STXBP5L: variants seen among roughly 807,000 people sequenced by gnomAD.
STXBP5L encodes the protein syntaxin binding protein 5L.
A neutral mutation model predicts 144.5 loss-of-function variants in STXBP5L; 65 were observed. That is an observed-to-expected ratio of 0.45 (90% CI 0.37 to 0.55). The LOEUF (loss-of-function observed/expected upper bound fraction) is 0.55, where lower values mean the gene tolerates loss of function less well. Ranked by LOEUF, STXBP5L falls within the 20% of genes least tolerant of loss-of-function variation. The pLI is 0.00. For synonymous variants in STXBP5L, 505 were observed against 469.6 expected, an observed-to-expected ratio of 1.08 and a Z score of -0.97; for missense variants, 1,298 against 1,405.5, an observed-to-expected ratio of 0.92 and a Z score of 1.22.
At chr3:121,387,879 A>T (rs919977531) in intron 22 of STXBP5L, among the ~76,000 whole-genome samples, 7 of 152,144 alleles carry the variant, frequency 4.6e-5, no homozygotes, top group African/African-American at 1.7e-4. Context: ...TGTCTTGGCG[A>T]TGCAGGCTCT....
At chr3:121,054,719 C>G (rs967169795) in intron 5 of STXBP5L, among the ~76,000 whole-genome samples, 1 of 151,760 alleles carries the variant, frequency 6.6e-6, no homozygotes, top group Non-Finnish European at 1.5e-5. Flanking sequence ...TGCACATGTA[C>G]CGTAAAACTT....
intron 20 of STXBP5L, among the ~76,000 whole-genome samples, chr3:121,348,469 C>T (rs566992620): frequency 5.3e-5 from 8 of 152,080 alleles, no homozygotes; most frequent in Non-Finnish European, 8.8e-5. Flanking sequence ...ATGCTGGCCT[C>T]ATAAAATGAG....
intron 5 of STXBP5L, among the ~76,000 whole-genome samples, chr3:121,103,575 T>G (rs1252637137): frequency 6.6e-6 from 1 of 152,090 alleles, no homozygotes; most frequent in Non-Finnish European, 1.5e-5. Context: ...GGTACTGTGC[T>G]TACCTCAGCA....
intron 22 of STXBP5L, among the ~76,000 whole-genome samples, chr3:121,382,825 T>C (rs905782737): frequency 6.6e-6 from 1 of 152,158 alleles, no homozygotes; most frequent in Non-Finnish European, 1.5e-5. Flanking sequence ...GACCAAAAAA[T>C]GATGACAAAA....
intron 3 of STXBP5L, among the ~76,000 whole-genome samples, chr3:121,016,475 G>T (rs1945154846): frequency 6.6e-6 from 1 of 152,164 alleles, no homozygotes; most frequent in Non-Finnish European, 1.5e-5. Context: ...TGACTTTGAT[G>T]TACGTATCTA....
chr3:121,026,324 G>C lies in STXBP5L; in HGVS notation c.288-15376G>C, dbSNP rs935819245. Among the ~76,000 whole-genome samples, 6 of 151,984 alleles carry C rather than the reference G, an allele frequency of 3.9e-5. No homozygotes were observed. In the East Asian group the frequency reaches 7.7e-4, roughly 20 times the overall value. On this transcript the variant is annotated intron_variant, in intron 3 of 26. Coordinates refer to ENST00000471454, the MANE Select transcript of STXBP5L (RefSeq NM_001308330.2). ...GGTTAAATCTTTTATATTCATGCCT[G>C]AGCTTTAAAGTCACCTACTAACAGA...
intron 20 of STXBP5L, among the ~76,000 whole-genome samples, chr3:121,352,574 G>T (rs1367672253): frequency 1.3e-5 from 2 of 152,122 alleles, no homozygotes; most frequent in Non-Finnish European, 2.9e-5. Context: ...CAGATAAGGA[G>T]ATTTTGGGCT....
rs182109010 is a variant in STXBP5L, at chr3:121,264,852, A to T, written c.1958+5684A>T. On this transcript the variant is annotated intron_variant, in intron 18 of 26. Transcript: ENST00000471454. ...GCAATCTTAGTCTCTGATAAAACAG[A>T]CCTTAAACAACCAAAGATCAAAAAA... 4.2e-3 allele frequency among the ~76,000 whole-genome samples: 637 copies of T among 151,816 alleles called. 5 individuals are homozygous for T. The highest frequency in any genetic ancestry group is 0.015 in the African/African-American group (607 of 41,452).
rs145610555 is a variant in STXBP5L, at chr3:121,246,223, G to T, written c.1401-4500G>T. ...CCTATTGTGAACTGCACATGCAAGA[G>T]ATCTAGGTTGCACGCTTCTTATGAG... On this transcript the variant is annotated intron_variant, in intron 14 of 26. Coordinates refer to ENST00000471454, the MANE Select transcript of STXBP5L (RefSeq NM_001308330.2). Among the ~76,000 whole-genome samples, 4 of 152,318 alleles carry T rather than the reference G, an allele frequency of 2.6e-5. No individual in the cohort carries two copies. In the East Asian group the frequency reaches 7.7e-4, roughly 29 times the overall value.
chr3:121,304,402 A>C (rs1348485261), intron 19 of STXBP5L, among the ~76,000 whole-genome samples: 2 of 152,144 alleles, frequency 1.3e-5, no homozygotes, highest in East Asian at 3.9e-4. Flanking sequence ...ACACACCTAC[A>C]CAATGCAATT....
At chr3:121,110,466 T>G (rs757789669) in intron 5 of STXBP5L, among the ~76,000 whole-genome samples, 12 of 152,194 alleles carry the variant, frequency 7.9e-5, no homozygotes, top group Non-Finnish European at 1.8e-4. Flanking sequence ...AAAAGGATTT[T>G]ATTTCTCCTT....
At chr3:121,179,053 C>T (rs905660607) in intron 9 of STXBP5L, among the ~76,000 whole-genome samples, 4 of 152,028 alleles carry the variant, frequency 2.6e-5, no homozygotes, top group Non-Finnish European at 5.9e-5. Context: ...GAAAGCTGTG[C>T]TTGCTTTCTC....
chr3:121,102,598 A>G (rs916257668), intron 5 of STXBP5L, among the ~76,000 whole-genome samples: 3 of 152,114 alleles, frequency 2.0e-5, no homozygotes, highest in Non-Finnish European at 4.4e-5. Context: ...AACTATAAGA[A>G]TCCTAGAAAT....
chr3:121,293,516 C>G lies in STXBP5L; in HGVS notation c.2110+13560C>G, dbSNP rs138002569. 1.6e-3 allele frequency among the ~76,000 whole-genome samples: 242 copies of G among 152,158 alleles called. 1 individual carries two copies. Among genetic ancestry groups the G allele is most frequent in the African/African-American group, 5.6e-3 (234 of 41,512 alleles). On this transcript the variant is annotated intron_variant, in intron 19 of 26. Coordinates refer to ENST00000471454, the MANE Select transcript of STXBP5L (RefSeq NM_001308330.2). ...GGCTATTTTTTAAAAGAAGAACTAA[C>G]GCAAAGAAGAGCAGGGAACAGCACA...
chr3:121,179,060 TC>T (rs2047041885), intron 9 of STXBP5L, among the ~76,000 whole-genome samples: 1 of 152,030 alleles, frequency 6.6e-6, no homozygotes, highest in African/African-American at 2.4e-5. Context: ...GTGCTTGCTT[TC>T]TCAGTGGGAA....
intron 5 of STXBP5L, among the ~76,000 whole-genome samples, chr3:121,102,769 A>G (rs947738060): frequency 6.6e-6 from 1 of 152,144 alleles, no homozygotes; most frequent in Non-Finnish European, 1.5e-5. Context: ...CAGATATACT[A>G]CAGAATGGTA....
chr3:121,152,393 T>G, intron 7 of STXBP5L, 84 bp from the exon 8 acceptor site: 1 of 992,242 alleles, frequency 1.0e-6, no homozygotes, highest in South Asian at 1.5e-5. Flanking sequence ...TGGTATGATT[T>G]TACTTTATTA....
At chr3:121,263,037 G>T (rs1387993584) in intron 18 of STXBP5L, among the ~76,000 whole-genome samples, 2 of 152,202 alleles carry the variant, frequency 1.3e-5, no homozygotes, top group Non-Finnish European at 2.9e-5. Flanking sequence ...ACACTAGCTG[G>T]CATGGGTCGA....
chr3:121,387,723 A>T (rs1309925646), intron 22 of STXBP5L, among the ~76,000 whole-genome samples: 1 of 150,880 alleles, frequency 6.6e-6, no homozygotes, highest in Non-Finnish European at 1.5e-5. Context: ...TAGATGTGTG[A>T]TGTTATTTCT....
Sources: gnomAD v4.1 joint callset for allele counts (sites outside exome capture counted in the v4.1 genomes callset) on GRCh38, gnomAD v4.1.1 for gene constraint, MANE v1.5 for transcripts, NCBI Gene and HGNC (gene_info 2026-07-23, HGNC 2026-07-21) for gene names.